Variants in ZRANB3 observed in about 807,000 individuals in gnomAD.
ZRANB3 encodes the protein DNA annealing helicase and endonuclease ZRANB3.
ZRANB3 carries 125 observed loss-of-function variants against 133.8 expected under a neutral mutation model. The observed-to-expected ratio is 0.93, with a 90% confidence interval of 0.81 to 1.08. ZRANB3 has a LOEUF of 1.08. Ranked by LOEUF, ZRANB3 falls within the 50% of genes least tolerant of loss-of-function variation. The pLI, the probability that ZRANB3 is intolerant of heterozygous loss-of-function variation, is 0.00. For synonymous variants in ZRANB3, 387 were observed against 432.7 expected (o/e 0.89, Z 1.31); for missense variants, 1,229 against 1,275.5 (o/e 0.96, Z 0.56).
intron 15 of ZRANB3, among the ~76,000 whole-genome samples, chr2:135,220,175 G>A (rs1056548181): frequency 3.3e-5 from 5 of 151,982 alleles, no homozygotes; most frequent in African/African-American, 1.2e-4. Flanking sequence ...AAAGTGCTAG[G>A]ATTATAGGCA....
intron 1 of ZRANB3, chr2:135,511,800 A>G (rs185647598): frequency 3.3e-4 from 253 of 761,278 alleles, no homozygotes; most frequent in Non-Finnish European, 5.8e-4. Context: ...CTAGCTTTCT[A>G]TTTGAATCCA....
At chr2:135,451,422 C>G (rs542857884) in intron 2 of ZRANB3, among the ~76,000 whole-genome samples, 216 of 152,014 alleles carry the variant, frequency 1.4e-3, no homozygotes, top group Middle Eastern at 6.8e-3. Context: ...CTTAGCCAGG[C>G]AAAGTGGCAC....
chr2:135,481,539 C>A (rs904208481), intron 2 of ZRANB3, among the ~76,000 whole-genome samples: 2 of 152,002 alleles, frequency 1.3e-5, no homozygotes, highest in Admixed American at 6.6e-5. Flanking sequence ...GAGTAAGTTG[C>A]GAAAATTTTC....
At chr2:135,224,719 G>A (rs1694692173) in intron 14 of ZRANB3, among the ~76,000 whole-genome samples, 1 of 152,112 alleles carries the variant, frequency 6.6e-6, no homozygotes, top group Admixed American at 6.6e-5. Flanking sequence ...GTAACCAATT[G>A]TTTTACATTT....
chr2:135,230,563 T>G lies in ZRANB3; in HGVS notation c.1904A>C (p.Asn635Thr). The G allele has an allele frequency of 1.3e-6, 2 of 1,574,460 alleles. No homozygotes were observed. The highest frequency in any genetic ancestry group is 1.7e-6 in the Non-Finnish European group (2 of 1,165,400). ...CATTTCACAATAAGGTAACTCTGAATTATTGATATAGGTGCAGAGACTACA... is the reference window on the plus strand; with the variant it reads ...CATTTCACAATAAGGTAACTCTGAAGTATTGATATAGGTGCAGAGACTACA... ...WQCSLCTYIN[N>T]SELPYCEMCE... Residue 635 changes from asparagine (N) to threonine (T), a missense_variant, in exon 13 of 21, where the codon AAT becomes ACT. Asn to Thr is a moderately conservative substitution (Grantham distance 65, BLOSUM62 0). Transcript: ENST00000264159.
chr2:135,239,377 G>C (rs1385321748), intron 12 of ZRANB3, among the ~76,000 whole-genome samples: 2 of 150,090 alleles, frequency 1.3e-5, no homozygotes, highest in Non-Finnish European at 3.0e-5. Flanking sequence ...ACTTAAAAAT[G>C]GTTAAAATGA....
intron 12 of ZRANB3, among the ~76,000 whole-genome samples, chr2:135,244,390 G>A (rs1309791890): frequency 6.6e-6 from 1 of 152,152 alleles, no homozygotes; most frequent in African/African-American, 2.4e-5. Flanking sequence ...CAGATCACTT[G>A]AGGTCAGGAG....
At chr2:135,517,809 C>T (rs936412079) in intron 1 of ZRANB3, among the ~76,000 whole-genome samples, 1 of 152,202 alleles carries the variant, frequency 6.6e-6, no homozygotes, top group Non-Finnish European at 1.5e-5. Flanking sequence ...ATATGCTGCT[C>T]TCTTCGGAGC....
At chr2:135,401,354 C>A (rs1287849727) in intron 2 of ZRANB3, among the ~76,000 whole-genome samples, 1 of 152,158 alleles carries the variant, frequency 6.6e-6, no homozygotes, top group East Asian at 1.9e-4. Context: ...TTGATGTGAT[C>A]TTTATGTGAT....
intron 8 of ZRANB3, among the ~76,000 whole-genome samples, chr2:135,288,011 A>G (rs549696462): frequency 4.6e-4 from 70 of 152,126 alleles, no homozygotes; most frequent in African/African-American, 1.5e-3. Context: ...GCCTTGTTCC[A>G]GTTCTCAGGG....
intron 3 of ZRANB3, among the ~76,000 whole-genome samples, chr2:135,383,214 G>C (rs1686805604): frequency 6.6e-6 from 1 of 152,028 alleles, no homozygotes; most frequent in Non-Finnish European, 1.5e-5. Context: ...TGATAAAACA[G>C]ACTTTAAACC....
At chr2:135,430,899 C>G (rs1256099232) in intron 2 of ZRANB3, among the ~76,000 whole-genome samples, 1 of 152,004 alleles carries the variant, frequency 6.6e-6, no homozygotes, top group Non-Finnish European at 1.5e-5. Context: ...CAACTGATAC[C>G]TCATACCATA....
chr2:135,244,107 CAAAAAAA>C (rs566334496), intron 12 of ZRANB3, among the ~76,000 whole-genome samples: 1 of 121,496 alleles, frequency 8.2e-6, no homozygotes, highest in Non-Finnish European at 1.8e-5. Flanking sequence ...ATTTCCCCAC[CAAAAAAA>C]AAAAAAAAAA....
chr2:135,346,863 T>A (rs1226206244), intron 5 of ZRANB3, among the ~76,000 whole-genome samples: 1 of 152,214 alleles, frequency 6.6e-6, no homozygotes, highest in African/African-American at 2.4e-5. Context: ...ATTCACATAG[T>A]TGTGCATCAA....
At chr2:135,295,350 T>C (rs1336915698) in intron 8 of ZRANB3, among the ~76,000 whole-genome samples, 2 of 152,142 alleles carry the variant, frequency 1.3e-5, no homozygotes, top group Non-Finnish European at 2.9e-5. Context: ...TTTGTCTCTT[T>C]TGATCTTTGT....
intron 2 of ZRANB3, among the ~76,000 whole-genome samples, chr2:135,446,309 G>C (rs1451401087): frequency 2.6e-5 from 4 of 152,072 alleles, no homozygotes; most frequent in Non-Finnish European, 5.9e-5. Flanking sequence ...AAAAAGCAGA[G>C]ACATGAGTAG....
At chr2:135,291,642 C>A (rs868711313) in intron 8 of ZRANB3, among the ~76,000 whole-genome samples, 1 of 151,544 alleles carries the variant, frequency 6.6e-6, no homozygotes, top group African/African-American at 2.4e-5. Flanking sequence ...ATGTGCACAA[C>A]ATACAGGTTT....
At chr2:135,496,384 TAAA>T (rs56770947) in intron 2 of ZRANB3, among the ~76,000 whole-genome samples, 4 of 33,318 alleles carry the variant, frequency 1.2e-4, no homozygotes, top group African/African-American at 2.7e-4. Flanking sequence ...AACTCCATCT[TAAA>T]AAAAAAAAAA....
intron 2 of ZRANB3, among the ~76,000 whole-genome samples, chr2:135,500,387 A>G (rs1692882051): frequency 6.6e-6 from 1 of 152,198 alleles, no homozygotes; most frequent in Non-Finnish European, 1.5e-5. Context: ...AATGCTCCAT[A>G]GTAGAATGAA....
Sources: gnomAD v4.1 joint callset for allele counts (sites outside exome capture counted in the v4.1 genomes callset) on GRCh38, gnomAD v4.1.1 for gene constraint, MANE v1.5 for transcripts, NCBI Gene and HGNC (gene_info 2026-07-23, HGNC 2026-07-21) for gene names.